Variants in NCOR2 observed in about 807,000 individuals in gnomAD.
The protein encoded by NCOR2 is CTG repeat protein 26.
A neutral mutation model predicts 262.9 loss-of-function variants in NCOR2; 81 were observed. The observed-to-expected ratio is 0.31, with a 90% CI of 0.26 to 0.37. The LOEUF (loss-of-function observed/expected upper bound fraction) is 0.37. Ranked by LOEUF, NCOR2 falls within the 10% of genes least tolerant of loss-of-function variation. The pLI, the probability that NCOR2 is intolerant of heterozygous loss-of-function variation, is 1.00. For missense variants in NCOR2, 3,385 were observed against 3,621.4 expected, an observed-to-expected ratio of 0.93 and a Z score of 1.68; for synonymous variants, 1,659 against 1,559.3, an observed-to-expected ratio of 1.06 and a Z score of -1.51.
rs560167699 is a variant in NCOR2 at position 124,411,277 on chromosome 12, G to C, written c.1482+8680C>G. On this transcript the variant is annotated intron_variant, in intron 13 of 46. Coordinates refer to ENST00000405201, the Ensembl canonical transcript of NCOR2. ...CCGTGTGCGCGCATACACACACAGA[G>C]AGAGAGAGAGAGAGAGAAACCTAGA... Among the ~76,000 whole-genome samples the C allele has an allele frequency of 7.4e-3, 1,107 of 149,628 alleles. 8 individuals carry two copies. Among genetic ancestry groups the C allele is most frequent in the Admixed American group, 0.011 (160 of 15,112 alleles).
chr12:124,536,224 G>A (rs369390429), upstream of NCOR2, among the ~76,000 whole-genome samples: 29 of 152,158 alleles, frequency 1.9e-4, no homozygotes, highest in Non-Finnish European at 3.5e-4. Flanking sequence ...CTATGGGCAC[G>A]TGCCACCATG....
chr12:124,387,641 TTCC>T (rs2040916880), intron 16 of NCOR2, among the ~76,000 whole-genome samples: 1 of 152,140 alleles, frequency 6.6e-6, no homozygotes, highest in African/African-American at 2.4e-5. Flanking sequence ...CTCCTCAGGG[TTCC>T]TCAAGGACAG....
chr12:124,500,932 G>A (rs778687308), intron 1 of NCOR2, among the ~76,000 whole-genome samples: 8 of 152,160 alleles, frequency 5.3e-5, no homozygotes, highest in Non-Finnish European at 1.0e-4. Flanking sequence ...TGCGCCGCAC[G>A]TGCCTGAAAT....
chr12:124,344,042 C>T (rs1243560253), intron 32 of NCOR2, among the ~76,000 whole-genome samples: 1 of 152,156 alleles, frequency 6.6e-6, no homozygotes, highest in African/African-American at 2.4e-5. Flanking sequence ...TGGAAAGAAA[C>T]CCACTAAGTA....
chr12:124,473,331 G>A (rs2046924279), intron 3 of NCOR2, among the ~76,000 whole-genome samples, 200 bp from the exon 6 acceptor site: 1 of 152,206 alleles, frequency 6.6e-6, no homozygotes, highest in Non-Finnish European at 1.5e-5. Context: ...CCCTTAATCT[G>A]TGTAGGCACC....
Position 124,526,994 on chromosome 12 carries a change from AAAG to A in NCOR2, c.-118+8568_-118+8570del, listed in dbSNP as rs575799150. On this transcript the variant is annotated intron_variant, in intron 1 of 46. Transcript: ENST00000404621. ...GCTGAAAGAGAAAGAGAAGATCTGG[AAAG>A]AAGCTATTTTAATTTCAGCAAATGG... 3.6e-3 allele frequency among the ~76,000 whole-genome samples: 550 copies of A among 152,356 alleles called. 5 individuals carry two copies. Among genetic ancestry groups the A allele is most frequent in the Non-Finnish European group, 6.5e-3 (442 of 68,028 alleles).
At chr12:124,495,279 C>T (rs745866192), upstream of NCOR2, 63 of 1,601,840 alleles carry the variant, frequency 3.9e-5, no homozygotes, top group Middle Eastern at 7.2e-4. This position sits in a 1 kb window ranked among gnomAD's most constrained non-coding sequence, Gnocchi z 4.4. Flanking sequence ...GGGAGCTGCT[C>T]CCAGGCCCCA....
At chr12:124,385,527 G>A (rs546260308) in intron 17 of NCOR2, among the ~76,000 whole-genome samples, 7 of 152,266 alleles carry the variant, frequency 4.6e-5, no homozygotes, top group South Asian at 2.1e-4. Flanking sequence ...AGCCTGGCCC[G>A]GCCCGTCTCC....
Position 124,378,207 on chromosome 12 carries a change from C to T in NCOR2, c.2167+30G>A, listed in dbSNP as rs2136069648. ...CCTCAGAGCTCGGACCCACAGCTGC[C>T]AGCCACCTCCAAGCCGCGCCAGCCC... is the stretch of plus-strand genomic sequence containing the variant. On this transcript the variant is annotated intron_variant, in intron 18 of 46. Transcript: ENST00000405201. The surrounding 1 kb of genome is among the most constrained non-coding windows in gnomAD (Gnocchi z 4.2). 6.2e-7 allele frequency: 1 copy of T among 1,605,582 alleles called. No individual in the cohort carries two copies. Among genetic ancestry groups the T allele is most frequent in the Non-Finnish European group, 8.5e-7 (1 of 1,174,440 alleles).
intron 13 of NCOR2, among the ~76,000 whole-genome samples, chr12:124,405,058 TAC>T (rs2042205280): frequency 6.6e-6 from 1 of 151,902 alleles, no homozygotes; most frequent in African/African-American, 2.4e-5. Context: ...AGCCAGGATC[TAC>T]AGTTTGTGTT....
chr12:124,333,625 G>A (rs2035438833), intron 41 of NCOR2, among the ~76,000 whole-genome samples: 1 of 151,248 alleles, frequency 6.6e-6, no homozygotes, highest in Non-Finnish European at 1.5e-5. Flanking sequence ...AAGATGTCCT[G>A]CTGTCTTGCC....
At chr12:124,508,231 G>A (rs923382002) in intron 1 of NCOR2, among the ~76,000 whole-genome samples, 2 of 152,224 alleles carry the variant, frequency 1.3e-5, no homozygotes, top group African/African-American at 2.4e-5. Context: ...TCCACTTTAC[G>A]TCAGCTCTGT....
intron 3 of NCOR2, among the ~76,000 whole-genome samples, chr12:124,480,817 A>G: frequency 9.8e-6 from 1 of 102,100 alleles, no homozygotes; most frequent in Non-Finnish European, 2.0e-5. Context: ...CGAGTGGGGG[A>G]AGGAGGGGGA....
rs1363617335 is a variant in NCOR2, at chr12:124,378,519, T to C, written c.2020-135A>G. The C allele has an allele frequency of 4.5e-6, 4 of 883,902 alleles. No individual in the cohort carries two copies. The highest frequency in any genetic ancestry group is 3.0e-5 in the Admixed American group (1 of 32,892). The allele number at this position is 883,902 out of a possible 1,614,324, so 54.8% of individuals were successfully genotyped here. A position where few individuals can be genotyped will look rare whatever the true frequency, so the allele number is the denominator to read the frequency against. On this transcript the variant is annotated intron_variant, in intron 17 of 46. Coordinates refer to ENST00000405201, the Ensembl canonical transcript of NCOR2. This position sits in a 1 kb window ranked among gnomAD's most constrained non-coding sequence, Gnocchi z 4.2. The stretch of plus-strand genomic sequence containing the variant: ...GTAGCAATGAGGGTGACCGTCCCCC[T>C]CACACCCCACCTCGGCAGCCAAGCG...
At chr12:124,354,350 C>A in intron 26 of NCOR2, 128 bp downstream of exon 28, 1 of 1,139,972 alleles carries the variant, frequency 8.8e-7, no homozygotes, top group Non-Finnish European at 1.2e-6. Context: ...GTGAGGGAGA[C>A]AGCTGTGAAG....
chr12:124,388,760 C>T (rs1261982737), intron 16 of NCOR2: 1 of 1,304,072 alleles, frequency 7.7e-7, no homozygotes, highest in Admixed American at 2.3e-5. Flanking sequence ...AGGGAGCGGG[C>T]CGAAGTGGGC....
chr12:124,473,217 C>A, intron 3 of NCOR2, 86 bp from the exon 6 acceptor site: 1 of 1,487,088 alleles, frequency 6.7e-7, no homozygotes. Context: ...TACTGTCAAC[C>A]TGATTGGATT....
chr12:124,564,753 G>A (rs1055569448), intron 1 of NCOR2, among the ~76,000 whole-genome samples: 11 of 152,132 alleles, frequency 7.2e-5, no homozygotes, highest in Non-Finnish European at 1.0e-4. Context: ...TCAGATGGGG[G>A]TTGGGAACAC....
At position 124,425,150 on chromosome 12, in the gene NCOR2, G is replaced by A. The variant is rs184363219; in HGVS notation, c.1328+1472C>T. On this transcript the variant is annotated intron_variant, in intron 11 of 46. Coordinates refer to ENST00000405201, the Ensembl canonical transcript of NCOR2. The stretch of plus-strand genomic sequence containing the variant: ...AGCACTTTGGGAGGCCGAGACGGGC[G>A]GATCACGAGGTCAGGAGATCGAGAC... Among the ~76,000 whole-genome samples, 11 of 152,266 alleles carry A rather than the reference G, an allele frequency of 7.2e-5. No homozygotes were observed. The East Asian group carries it at 9.6e-4, about 13-fold the overall frequency.
Sources: gnomAD v4.1 joint callset for allele counts (sites outside exome capture counted in the v4.1 genomes callset) on GRCh38, gnomAD v4.1.1 for gene constraint, Gnocchi (gnomAD v3.1) non-coding constraint, MANE v1.5 for transcripts, NCBI Gene and HGNC (gene_info 2026-07-23, HGNC 2026-07-21) for gene names.